Variants in TUSC3 observed in about 807,000 individuals in gnomAD.
TUSC3 encodes dolichyl-diphosphooligosaccharide--protein glycosyltransferase subunit TUSC3.
Under a neutral mutation model 44.8 loss-of-function variants are expected in TUSC3, and 45 were observed. The observed-to-expected ratio is 1.00, with a 90% confidence interval of 0.79 to 1.29. The LOEUF (loss-of-function observed/expected upper bound fraction) is 1.29, where lower values mean the gene tolerates loss of function less well. TUSC3 is among the 50% of genes most tolerant of loss of function. TUSC3 has a pLI of 0.00. For missense variants in TUSC3, 519 were observed against 437.9 expected (o/e 1.19, Z -1.65); for synonymous variants, 212 against 152.9 (o/e 1.39, Z -2.85).
intron 3 of TUSC3, among the ~76,000 whole-genome samples, chr8:15,653,877 A>C (rs1252364726): frequency 6.6e-6 from 1 of 152,216 alleles, no homozygotes; most frequent in East Asian, 1.9e-4. Flanking sequence ...AGATAATATT[A>C]ATAACAAGTG....
intron 1 of TUSC3, among the ~76,000 whole-genome samples, chr8:15,572,842 A>T (rs1040538204): frequency 4.0e-4 from 61 of 152,236 alleles, no homozygotes; most frequent in Non-Finnish European, 7.4e-5. Flanking sequence ...ACATTTATCG[A>T]TTAAATTTGC....
chr8:15,523,074 G>A (rs1801318821), intron 2 of TUSC3, among the ~76,000 whole-genome samples: 1 of 152,162 alleles, frequency 6.6e-6, no homozygotes, highest in South Asian at 2.1e-4. Flanking sequence ...TCCATCACAA[G>A]TCATGGGTAA....
At chr8:15,799,562 C>A in the TUSC3 span, among the ~76,000 whole-genome samples, 18 of 152,272 alleles carry the variant, frequency 1.2e-4, no homozygotes, top group East Asian at 3.5e-3. Context: ...CCCAGTTTTT[C>A]CTCGTCAGTG....
intron 1 of TUSC3, among the ~76,000 whole-genome samples, chr8:15,461,693 A>G (rs1033452142): frequency 2.0e-5 from 3 of 151,754 alleles, no homozygotes; most frequent in African/African-American, 7.3e-5. Context: ...CTTTTATTAC[A>G]TTGAGTTACG....
At chr8:15,777,397 G>C in the TUSC3 span, among the ~76,000 whole-genome samples, 1 of 152,104 alleles carries the variant, frequency 6.6e-6, no homozygotes, top group East Asian at 1.9e-4. Flanking sequence ...CCTATAAAGG[G>C]AGATTTATCA....
At chr8:15,780,479 C>A in the TUSC3 span, among the ~76,000 whole-genome samples, 1 of 152,150 alleles carries the variant, frequency 6.6e-6, no homozygotes, top group Non-Finnish European at 1.5e-5. Flanking sequence ...TGTATGGACA[C>A]ACAAACACTT....
Position 15,540,373 on chromosome 8 carries a change from G to C in TUSC3, c.-58G>C. On this transcript the variant is annotated 5_prime_UTR_variant, in exon 1 of 11. Coordinates refer to ENST00000503731, the MANE Select transcript of TUSC3 (RefSeq NM_006765.4). ...GAGGCTGGCCGGGCAGGCGTGGTGC[G>C]CGGTAGGAGCTGGGCGCGCACGGCT... 6.8e-7 allele frequency: 1 copy of C among 1,461,998 alleles called. No homozygotes were observed. The highest frequency in any genetic ancestry group is 9.1e-7 in the Non-Finnish European group (1 of 1,101,882). 90.6% of individuals were successfully genotyped at this position (1,461,998 alleles called of 1,614,324 possible).
chr8:15,477,704 G>A (rs932354602), intron 1 of TUSC3, among the ~76,000 whole-genome samples: 1 of 152,126 alleles, frequency 6.6e-6, no homozygotes, highest in Admixed American at 6.5e-5. Flanking sequence ...CTGGGCAACA[G>A]AGTGAGACTC....
chr8:15,615,855 C>T (rs533437925), intron 1 of TUSC3, among the ~76,000 whole-genome samples: 41 of 152,180 alleles, frequency 2.7e-4, no homozygotes, highest in African/African-American at 9.9e-4. Flanking sequence ...TGAAGAGAGG[C>T]TGGTTAAAGG....
chr8:15,770,048 C>T (rs1453721098), downstream of TUSC3, among the ~76,000 whole-genome samples: 6 of 152,154 alleles, frequency 3.9e-5, no homozygotes, highest in African/African-American at 1.4e-4. Flanking sequence ...TTTGACCCAG[C>T]AATCCCATTA....
intron 2 of TUSC3, among the ~76,000 whole-genome samples, chr8:15,496,448 C>T (rs1320024800): frequency 6.6e-6 from 1 of 152,188 alleles, no homozygotes; most frequent in Non-Finnish European, 1.5e-5. Context: ...GTCATTTTCA[C>T]TTATCCAACC....
chr8:15,615,823 C>T (rs1454492765), intron 1 of TUSC3, among the ~76,000 whole-genome samples: 2 of 151,806 alleles, frequency 1.3e-5, no homozygotes, highest in African/African-American at 2.4e-5. Context: ...GAGTTAAACC[C>T]ATAAGTACTG....
At chr8:15,450,637 TCCAG>T (rs1800185740) in intron 1 of TUSC3, among the ~76,000 whole-genome samples, 5 of 152,130 alleles carry the variant, frequency 3.3e-5, no homozygotes, top group Non-Finnish European at 7.4e-5. Context: ...AACATTGCAT[TCCAG>T]TCTGGGAGAC....
chr8:15,786,892 C>T, the TUSC3 span, among the ~76,000 whole-genome samples: 3,277 of 139,650 alleles, frequency 0.023, 128 homozygotes, highest in African/African-American at 0.081. Context: ...TGCAGTGAGC[C>T]GAGATCGTGC....
intron 2 of TUSC3, among the ~76,000 whole-genome samples, chr8:15,505,259 C>CTTTG (rs1331153927): frequency 6.6e-6 from 1 of 152,136 alleles, no homozygotes; most frequent in Non-Finnish European, 1.5e-5. Flanking sequence ...AACAAGAAGG[C>CTTTG]TTTGTCAATA....
At chr8:15,540,666 G>C in intron 1 of TUSC3, 98 bp downstream of exon 1, 3 of 1,413,472 alleles carry the variant, frequency 2.1e-6, no homozygotes, top group South Asian at 1.6e-5. Context: ...CAGCCTGGTC[G>C]CCGGCGTGGG....
chr8:15,583,973 A>G (rs969215643), intron 1 of TUSC3, among the ~76,000 whole-genome samples: 7 of 152,222 alleles, frequency 4.6e-5, no homozygotes, highest in East Asian at 3.8e-4. Context: ...CATGATAGAT[A>G]GTGTCAGTTG....
chr8:15,465,160 A>G (rs1164295883), intron 1 of TUSC3, among the ~76,000 whole-genome samples: 1 of 152,200 alleles, frequency 6.6e-6, no homozygotes, highest in Non-Finnish European at 1.5e-5. Context: ...GACTTCTAAT[A>G]CAAATGTCTG....
At chr8:15,483,363 G>A (rs917878842) in intron 1 of TUSC3, 66 of 220,826 alleles carry the variant, frequency 3.0e-4, no homozygotes, top group Non-Finnish European at 1.4e-4. Context: ...TTTTTGAGAC[G>A]GAGTTTCACT....
Sources: allele counts gnomAD v4.1 joint callset (sites outside exome capture counted in the v4.1 genomes callset), GRCh38; gene constraint gnomAD v4.1.1; transcripts MANE v1.5; gene names NCBI Gene and HGNC (gene_info 2026-07-23, HGNC 2026-07-21).